The following MMP27 variants were observed in gnomAD, a reference collection of about 807,000 sequenced individuals.
The protein encoded by MMP27 is matrix metalloproteinase-27.
MMP27 carries 51 observed loss-of-function variants against 48.1 expected under a neutral mutation model. The ratio of observed to expected loss-of-function variants is 1.06; its 90% CI spans 0.85 to 1.34. The LOEUF (loss-of-function observed/expected upper bound fraction) is 1.34, where lower values mean the gene tolerates loss of function less well. MMP27 is among the 40% of genes most tolerant of loss of function. The pLI, the probability that MMP27 is intolerant of heterozygous loss-of-function variation, is 0.00. For synonymous variants in MMP27, 229 were observed against 208.9 expected, an observed-to-expected ratio of 1.10 and a Z score of -0.83; for missense variants, 698 against 619.3, an observed-to-expected ratio of 1.13 and a Z score of -1.35.
At chr11:102,701,786 C>G (rs183984260) in intron 4 of MMP27, among the ~76,000 whole-genome samples, 2 of 152,232 alleles carry the variant, frequency 1.3e-5, no homozygotes, top group Non-Finnish European at 2.9e-5. Flanking sequence ...ATCACCTGTT[C>G]TGACTGAGCA....
chr11:102,697,630 C>A (rs1182810120), intron 4 of MMP27, among the ~76,000 whole-genome samples: 2 of 151,974 alleles, frequency 1.3e-5, no homozygotes, highest in African/African-American at 4.8e-5. Flanking sequence ...GCCTCCTGTG[C>A]AGCTGGGACT....
rs1280558552 is a variant in MMP27 at position 102,705,688 on chromosome 11, C to A, written c.27G>T (p.Leu9Phe). Residue 9 changes from leucine to phenylalanine, a missense_variant, in exon 1 of 10, where the codon TTG becomes TTT. Transcript: ENST00000260229. ...ATGCAGAAGAAAATGTTATAAAGAA[C>A]AAAAACAGAAGCAGAAGGCGCTTCA... The part of the protein sequence containing the change: MKRLLLLF[L>F]FFITFSSAFP... 1 of 1,606,040 alleles carries A rather than the reference C, an allele frequency of 6.2e-7. No individual in the cohort carries two copies. Among genetic ancestry groups the A allele is most frequent in the Non-Finnish European group, 8.5e-7 (1 of 1,177,550 alleles).
intron 8 of MMP27, 24 bp from the exon 9 acceptor site, chr11:102,693,065 T>A: frequency 6.3e-7 from 1 of 1,583,832 alleles, no homozygotes; most frequent in African/African-American, 1.3e-5. Context: ...TATGAAAGGA[T>A]ACCAGCGGAT....
intron 2 of MMP27, 81 bp from the exon 3 acceptor site, chr11:102,703,199 G>T (rs1860979604): frequency 1.5e-6 from 2 of 1,327,764 alleles, no homozygotes; most frequent in Admixed American, 2.3e-5. Context: ...AACATTTCTA[G>T]CTTATCAATA....
chr11:102,704,789 T>TAA lies in MMP27; in HGVS notation c.103-16_103-15dup. The TAA allele has an allele frequency of 1.5e-6, 2 of 1,365,462 alleles. No individual in the cohort carries two copies. The highest frequency in any genetic ancestry group is 9.7e-7 in the Non-Finnish European group (1 of 1,032,730). The allele number at this position is 1,365,462 out of a possible 1,614,324, so 84.6% of individuals were successfully genotyped here. ...GTTGAGATATGCCTGACCAAAAAGA[T>TAA]AAGAAAAAAAAAAAAGAGGCACAGA... On this transcript the variant is annotated splice_polypyrimidine_tract_variant and intron_variant, in intron 1 of 9. Transcript: ENST00000260229.
At chr11:102,703,898 T>C (rs1393838567) in intron 2 of MMP27, among the ~76,000 whole-genome samples, 10 of 152,224 alleles carry the variant, frequency 6.6e-5, no homozygotes, top group Non-Finnish European at 1.3e-4. Flanking sequence ...GTTGCCTATC[T>C]TGCTAAATTC....
chr11:102,696,699 A>G lies in MMP27; in HGVS notation c.756T>C (p.Asp252=). 1.2e-6 allele frequency: 2 copies of G among 1,613,628 alleles called. No homozygotes were observed. The highest frequency in any genetic ancestry group is 1.7e-6 in the Non-Finnish European group (2 of 1,179,798). Reference sequence around the variant, plus strand: ...CATAGATGGACTGGATTCCATTGATATCATCCTGAGAAAGTGGGTATTTTC... The same window carrying G: ...CATAGATGGACTGGATTCCATTGATGTCATCCTGAGAAAGTGGGTATTTTC... ...DPRKYPLSQD[D]INGIQSIYGG... Residue 252 remains aspartate, a synonymous_variant, in exon 5 of 10, where the codon GAT becomes GAC. Transcript: ENST00000260229.
chr11:102,697,514 A>AT (rs993336167), intron 4 of MMP27, among the ~76,000 whole-genome samples: 7 of 150,962 alleles, frequency 4.6e-5, no homozygotes, highest in African/African-American at 7.3e-5. Context: ...TACTTTATAA[A>AT]TTTTTTTTTT....
Position 102,693,930 on chromosome 11 carries a change from A to G in MMP27, c.1169T>C (p.Phe390Ser), listed in dbSNP as rs1860772707. 6.2e-7 allele frequency: 1 copy of G among 1,604,382 alleles called. No homozygotes were observed. Among genetic ancestry groups the G allele is most frequent in the Non-Finnish European group, 8.5e-7 (1 of 1,176,232 alleles). The part of the protein sequence containing the change: ...VCDKTTRKTY[F>S]FVGIWCWRFD... ...CCTCCAGCACCAAATGCCCACAAAG[A>G]AGTAGGTTTTTCTTGTGGTCTTATC... Residue 390 changes from phenylalanine to serine, a missense_variant, in exon 8 of 10, where the codon TTC (phenylalanine) becomes TCC (serine). Transcript: ENST00000260229.
At chr11:102,698,967 A>G (rs1565427667) in intron 4 of MMP27, among the ~76,000 whole-genome samples, 1 of 152,222 alleles carries the variant, frequency 6.6e-6, no homozygotes, top group Non-Finnish European at 1.5e-5. Context: ...TACAGGAACC[A>G]TGTCTTAATT....
intron 4 of MMP27, among the ~76,000 whole-genome samples, chr11:102,702,060 G>T (rs2134274468): frequency 6.6e-6 from 1 of 152,340 alleles, no homozygotes; most frequent in South Asian, 2.1e-4. Flanking sequence ...GGCCTACATT[G>T]CTACCTGTTA....
At chr11:102,701,880 T>C (rs1039760558) in intron 4 of MMP27, among the ~76,000 whole-genome samples, 7 of 152,202 alleles carry the variant, frequency 4.6e-5, no homozygotes, top group African/African-American at 1.7e-4. Context: ...TATCTGGAGA[T>C]ACATGGTCGG....
intron 4 of MMP27, among the ~76,000 whole-genome samples, chr11:102,697,795 T>C (rs2155555): frequency 0.55 from 83,510 of 152,080 alleles, 23,037 homozygotes; most frequent in East Asian, 0.62. Context: ...TGAGCCACCA[T>C]ACCTGGCCTA....
intron 6 of MMP27, among the ~76,000 whole-genome samples, chr11:102,696,009 A>T (rs1418745975): frequency 6.6e-6 from 1 of 152,162 alleles, no homozygotes; most frequent in Non-Finnish European, 1.5e-5. Context: ...TGCCTATGTG[A>T]TGTGAACTGG....
At chr11:102,694,150 C>T (rs932532799) in intron 7 of MMP27, 85 bp from the exon 8 acceptor site, 48 of 974,184 alleles carry the variant, frequency 4.9e-5, no homozygotes, top group Non-Finnish European at 7.0e-5. Context: ...TACCTAGTTC[C>T]TTTTAGCTTC....
chr11:102,703,892 C>T (rs1176259262), intron 2 of MMP27, among the ~76,000 whole-genome samples: 2 of 152,168 alleles, frequency 1.3e-5, no homozygotes, highest in Non-Finnish European at 2.9e-5. Context: ...GTTTATGTTG[C>T]CTATCTTGCT....
chr11:102,702,794 G>A lies in MMP27; in HGVS notation c.578C>T (p.Thr193Ile). ...CCAGTTTTCATCCTCATCAAAATGA[G>A]TGTCACCACCCAGACCCGGACCAGG... ...FPPGPGLGGD[T>I]HFDEDENWTK... Residue 193 changes from threonine to isoleucine, a missense_variant, in exon 4 of 10, where the codon ACT becomes ATT. Transcript: ENST00000260229. 1 of 1,613,956 alleles carries A rather than the reference G, an allele frequency of 6.2e-7. No individual in the cohort carries two copies. The highest frequency in any genetic ancestry group is 8.5e-7 in the Non-Finnish European group (1 of 1,179,956).
At chr11:102,696,246 G>A in intron 6 of MMP27, 125 bp downstream of exon 6, 2 of 890,156 alleles carry the variant, frequency 2.2e-6, no homozygotes, top group Admixed American at 2.2e-5. Context: ...AACAGTATAG[G>A]CAGTTATAAA....
chr11:102,692,456 C>T lies in MMP27; in HGVS notation c.1298-446G>A, dbSNP rs189693611. Reference sequence around the variant, plus strand: ...GTCACTCAAAGATATTTCTAGATTACCCCATGGTCTAGGTCATTGTCTTGG... The same window carrying T: ...GTCACTCAAAGATATTTCTAGATTATCCCATGGTCTAGGTCATTGTCTTGG... On this transcript the variant is annotated intron_variant, in intron 9 of 9. Transcript: ENST00000260229. Among the ~76,000 whole-genome samples, 468 of 152,220 alleles carry T rather than the reference C, an allele frequency of 3.1e-3. 1 individual carries two copies. Among genetic ancestry groups the T allele is most frequent in the African/African-American group, 9.1e-3 (380 of 41,534 alleles).
Sources: gnomAD v4.1 joint callset for allele counts (sites outside exome capture counted in the v4.1 genomes callset) on GRCh38, gnomAD v4.1.1 for gene constraint, MANE v1.5 for transcripts, NCBI Gene and HGNC (gene_info 2026-07-23, HGNC 2026-07-21) for gene names.